TBC1D1: variants seen among roughly 807,000 people sequenced by gnomAD.
TBC1D1 encodes the protein TBC1 domain family member 1.
Under a neutral mutation model 125.6 loss-of-function variants are expected in TBC1D1, and 89 were observed. The observed-to-expected ratio is 0.71, with a 90% confidence interval of 0.60 to 0.85. The LOEUF is 0.85. TBC1D1 is among the 40% of genes least tolerant of loss of function. The pLI, the probability that TBC1D1 is intolerant of heterozygous loss-of-function variation, is 0.00. For synonymous variants in TBC1D1, 565 were observed against 564.1 expected, an observed-to-expected ratio of 1.00 and a Z score of -0.02; for missense variants, 1,377 against 1,469.2, an observed-to-expected ratio of 0.94 and a Z score of 1.03.
chr4:38,070,565 T>C (rs1242969278), intron 12 of TBC1D1, among the ~76,000 whole-genome samples: 1 of 152,224 alleles, frequency 6.6e-6, no homozygotes, highest in African/African-American at 2.4e-5. Flanking sequence ...GTTTGGGTCA[T>C]AGATGGTGCT....
chr4:38,021,532 A>C, intron 5 of TBC1D1, 54 bp from the exon 6 acceptor site: 1 of 1,435,886 alleles, frequency 7.0e-7, no homozygotes, highest in South Asian at 1.5e-5. Context: ...ATCTCAGCCC[A>C]GCTAATTTCA....
In TBC1D1 at chr4:38,062,955, G is replaced by T. The variant is rs1376749994; in HGVS notation, c.2050+8617G>T. 3.9e-5 allele frequency among the ~76,000 whole-genome samples: 6 copies of T among 152,244 alleles called. No homozygotes were observed. The East Asian group carries it at 1.2e-3, about 29-fold the overall frequency. On this transcript the variant is annotated intron_variant, in intron 12 of 19. Transcript: ENST00000261439. ...CCTGGATTTGAATCCCTGCCCTCCTGTTCTGATACCAGCTGACCCATGACG... is the reference window on the plus strand; with the variant it reads ...CCTGGATTTGAATCCCTGCCCTCCTTTTCTGATACCAGCTGACCCATGACG...
At chr4:38,109,722 A>G (rs970599780) in intron 15 of TBC1D1, among the ~76,000 whole-genome samples, 1 of 152,212 alleles carries the variant, frequency 6.6e-6, no homozygotes, top group African/African-American at 2.4e-5. Context: ...CCTGCCATTC[A>G]GGATGATTCC....
chr4:38,008,572 G>A (rs1241139652), intron 2 of TBC1D1, among the ~76,000 whole-genome samples: 1 of 152,212 alleles, frequency 6.6e-6, no homozygotes, highest in Non-Finnish European at 1.5e-5. Flanking sequence ...AGATAAGGCA[G>A]AGGGGATGAA....
chr4:38,052,728 G>GCACAGACACA (rs1553926690), intron 11 of TBC1D1, among the ~76,000 whole-genome samples: 1 of 118,276 alleles, frequency 8.5e-6, no homozygotes, highest in African/African-American at 3.5e-5. Context: ...GCGCGCGCGC[G>GCACAGACACA]CACACACACA....
chr4:38,053,274 A>G (rs1343141357), intron 11 of TBC1D1, 49 bp downstream of exon 13: 3 of 1,315,690 alleles, frequency 2.3e-6, no homozygotes, highest in Admixed American at 7.4e-5. Context: ...TAAGTGTTGA[A>G]TATCATTAGA....
chr4:37,975,516 G>A (rs973860699), intron 2 of TBC1D1, among the ~76,000 whole-genome samples: 3 of 152,206 alleles, frequency 2.0e-5, no homozygotes, highest in Non-Finnish European at 4.4e-5. Flanking sequence ...GGGAAAGGGA[G>A]ACTCCCATTC....
chr4:37,932,746 A>G (rs1489507941), intron 2 of TBC1D1, among the ~76,000 whole-genome samples: 1 of 152,156 alleles, frequency 6.6e-6, no homozygotes, highest in Non-Finnish European at 1.5e-5. Context: ...CACATAAAAT[A>G]TAATTTTAAA....
At chr4:37,940,841 G>C (rs1360915435) in intron 2 of TBC1D1, among the ~76,000 whole-genome samples, 1 of 152,064 alleles carries the variant, frequency 6.6e-6, no homozygotes, top group African/African-American at 2.4e-5. Context: ...GATTTGCATA[G>C]GTTGAACAAG....
intron 12 of TBC1D1, among the ~76,000 whole-genome samples, chr4:38,073,216 AT>A (rs1264657281): frequency 6.6e-6 from 1 of 152,082 alleles, no homozygotes; most frequent in African/African-American, 2.4e-5. Flanking sequence ...CTGCTGTACC[AT>A]TTTACATTCC....
At chr4:38,059,630 C>A (rs1752398650) in intron 12 of TBC1D1, among the ~76,000 whole-genome samples, 1 of 152,184 alleles carries the variant, frequency 6.6e-6, no homozygotes. Context: ...GTGGAAGGAC[C>A]ATTCATTCTT....
chr4:37,934,377 G>C (rs1318073177), intron 2 of TBC1D1, among the ~76,000 whole-genome samples: 2 of 152,136 alleles, frequency 1.3e-5, no homozygotes, highest in Non-Finnish European at 2.9e-5. Context: ...ACAGGGTTAG[G>C]GTCAAGGCCA....
chr4:38,029,417 A>T (rs550642446), intron 7 of TBC1D1, among the ~76,000 whole-genome samples: 1 of 152,206 alleles, frequency 6.6e-6, no homozygotes, highest in Non-Finnish European at 1.5e-5. Flanking sequence ...CCCAGAGCCG[A>T]AGTGCAATGG....
intron 2 of TBC1D1, among the ~76,000 whole-genome samples, chr4:37,969,152 T>G (rs955748597): frequency 6.6e-6 from 1 of 152,226 alleles, no homozygotes; most frequent in African/African-American, 2.4e-5. Context: ...CTATTTTGTG[T>G]GTCTATAAAC....
intron 2 of TBC1D1, chr4:37,960,785 C>A (rs377286613): frequency 1.1e-5 from 18 of 1,614,156 alleles, no homozygotes; most frequent in Middle Eastern, 1.6e-4. Flanking sequence ...TAGAAAAATT[C>A]TTTCCCTTCA....
intron 5 of TBC1D1, 29 bp from the exon 6 acceptor site, chr4:38,021,557 T>C (rs546839328): frequency 1.4e-6 from 2 of 1,473,746 alleles, no homozygotes; most frequent in African/African-American, 2.9e-5. Context: ...GACTTTTTGG[T>C]GACTACAACT....
At chr4:38,040,578 C>T (rs538501937) in intron 8 of TBC1D1, among the ~76,000 whole-genome samples, 4 of 152,214 alleles carry the variant, frequency 2.6e-5, no homozygotes, top group South Asian at 2.1e-4. Flanking sequence ...TGAGCCACTG[C>T]GCCTGGCTCA....
chr4:38,056,458 C>T (rs1171015121), intron 12 of TBC1D1, among the ~76,000 whole-genome samples: 1 of 152,232 alleles, frequency 6.6e-6, no homozygotes, highest in Non-Finnish European at 1.5e-5. Flanking sequence ...TTAACTCAAA[C>T]ATTCTTGGCT....
intron 6 of TBC1D1, among the ~76,000 whole-genome samples, chr4:38,026,041 G>A (rs1490832116): frequency 1.3e-5 from 2 of 151,092 alleles, no homozygotes; most frequent in Admixed American, 6.6e-5. Flanking sequence ...AAAATACTTC[G>A]ATGTGCCTCA....
Sources: allele counts gnomAD v4.1 joint callset (sites outside exome capture counted in the v4.1 genomes callset), GRCh38; gene constraint gnomAD v4.1.1; transcripts MANE v1.5; gene names NCBI Gene and HGNC (gene_info 2026-07-23, HGNC 2026-07-21).